Variants in HLCS observed in about 807,000 individuals in gnomAD.
HLCS encodes the protein holocarboxylase synthetase.
Under a neutral mutation model 75.0 loss-of-function variants are expected in HLCS, and 53 were observed. The observed-to-expected ratio is 0.71, with a 90% CI of 0.57 to 0.89. The LOEUF is 0.89. Ranked by LOEUF, HLCS falls within the 40% of genes least tolerant of loss-of-function variation. The probability of loss-of-function intolerance (pLI) is 0.00; values close to 1 mark genes in which losing one functional copy is unlikely to be tolerated. For synonymous variants in HLCS, 431 were observed against 428.6 expected (o/e 1.01, Z -0.07); for missense variants, 966 against 1,074.0 (o/e 0.90, Z 1.41).
At chr21:36,787,702 C>T (rs551189922) in intron 6 of HLCS, among the ~76,000 whole-genome samples, 3 of 152,234 alleles carry the variant, frequency 2.0e-5, no homozygotes, top group East Asian at 3.9e-4. Flanking sequence ...TGGTCAGAGC[C>T]GCTCGACCAT....
rs1025748806 is a variant in HLCS, at chr21:36,945,139, A to G, written c.331-6145T>C. Among the ~76,000 whole-genome samples, 9 of 152,302 alleles carry G rather than the reference A, an allele frequency of 5.9e-5. No homozygotes were observed. The East Asian group carries it at 1.3e-3, about 23-fold the overall frequency. Reference sequence around the variant, plus strand: ...TATCTCAAAAAAATAAAAATGTTGCACTATTCCTCTGCTTAAAATCCTTCC... The same window carrying G: ...TATCTCAAAAAAATAAAAATGTTGCGCTATTCCTCTGCTTAAAATCCTTCC... On this transcript the variant is annotated intron_variant, in intron 2 of 10. Transcript: ENST00000674895.
intron 6 of HLCS, among the ~76,000 whole-genome samples, chr21:36,819,080 T>G (rs1366066804): frequency 6.6e-6 from 1 of 152,100 alleles, no homozygotes; most frequent in Non-Finnish European, 1.5e-5. Flanking sequence ...AGCAGCAGCT[T>G]AGGAGGCTCC....
chr21:36,971,196 T>C (rs1355279154), upstream of HLCS, among the ~76,000 whole-genome samples: 1 of 152,182 alleles, frequency 6.6e-6, no homozygotes, highest in Admixed American at 6.5e-5. Flanking sequence ...ATTGGAAATA[T>C]GCATTTGAAC....
rs772156741 is a variant in HLCS, at chr21:36,767,260, T to C, written c.1918A>G (p.Met640Val). ...CGGGCCGCGATCACTATTAAGCCCA[T>C]TTCCTGCGGTGTCTGAAACATCAGC... ...DGLMFQTPQEMGLIVIAARQT... is the reference protein window; with the variant it reads ...DGLMFQTPQEVGLIVIAARQT... Residue 640 changes from methionine to valine, a missense_variant, in exon 7 of 11, where the codon ATG (methionine) becomes GTG (valine). Transcript: ENST00000674895. 11 of 1,614,036 alleles carry C rather than the reference T, an allele frequency of 6.8e-6. No homozygotes were observed. The Admixed American group carries it at 8.3e-5, about 12-fold the overall frequency.
At chr21:36,932,262 C>A (rs2066681128) in intron 4 of HLCS, among the ~76,000 whole-genome samples, 1 of 152,030 alleles carries the variant, frequency 6.6e-6, no homozygotes, top group Non-Finnish European at 1.5e-5. Context: ...TCTTTGTGAC[C>A]AGAAATACAC....
chr21:36,754,481 TG>T (rs1422119902), intron 10 of HLCS, 64 bp from the exon 11 acceptor site: 18 of 1,520,696 alleles, frequency 1.2e-5, no homozygotes, highest in Non-Finnish European at 1.6e-5. Context: ...GACAATGAGC[TG>T]AAGAATAATC....
intron 5 of HLCS, among the ~76,000 whole-genome samples, chr21:36,921,691 C>A (rs2066175180): frequency 6.6e-6 from 1 of 152,178 alleles, no homozygotes; most frequent in African/African-American, 2.4e-5. Flanking sequence ...GAATCTCAGC[C>A]TCGGAGGCGC....
In HLCS at chr21:36,980,026, CAAAAAAAAAAAAAAAA is replaced by C. The variant is rs71198844; in HGVS notation, c.-393+10116_-393+10131del. Among the ~76,000 whole-genome samples the C allele has an allele frequency of 8.5e-4, 47 of 55,124 alleles. 2 individuals carry two copies. Among genetic ancestry groups the C allele is most frequent in the African/African-American group, 3.4e-3 (42 of 12,228 alleles). The allele number at this position is 55,124 out of a possible 152,430, so 36.2% of individuals were successfully genotyped here. ...TGGGCGACAGAGCAAGTCCCCATCT[CAAAAAAAAAAAAAAAA>C]AAAAAAAAAAAAGGCTGGGTGTGGT... On this transcript the variant is annotated intron_variant, in intron 1 of 11. Transcript: ENST00000336648.
chr21:36,981,440 A>G (rs553838360), intron 1 of HLCS, among the ~76,000 whole-genome samples: 2 of 118,932 alleles, frequency 1.7e-5, no homozygotes, highest in Admixed American at 1.2e-4. Flanking sequence ...TCACTCTGTC[A>G]CCCAGCCTGG....
At chr21:36,947,769 G>C in intron 2 of HLCS, 1 of 985,454 alleles carries the variant, frequency 1.0e-6, no homozygotes, top group Non-Finnish European at 1.2e-6. Context: ...GGTTAAACTA[G>C]CACAGGTGGC....
rs903763142 is a variant in HLCS at position 36,752,971 on chromosome 21, T to G, written c.*1275A>C. Reference sequence around the variant, plus strand: ...GAAAACTGGACAAAAATTGGCCTTTTAAAAAGCTGAAAAGTAATGAGTATG... The same window carrying G: ...GAAAACTGGACAAAAATTGGCCTTTGAAAAAGCTGAAAAGTAATGAGTATG... On this transcript the variant is annotated 3_prime_UTR_variant, in exon 11 of 11. Coordinates refer to ENST00000674895, the MANE Select transcript of HLCS (RefSeq NM_001352514.2). The G allele has an allele frequency of 5.9e-5, 9 of 152,658 alleles. No homozygotes were observed. Among genetic ancestry groups the G allele is most frequent in the African/African-American group, 2.2e-4 (9 of 41,458 alleles). 9.5% of individuals were successfully genotyped at this position (152,658 alleles called of 1,614,324 possible).
intron 6 of HLCS, among the ~76,000 whole-genome samples, chr21:36,893,951 T>C (rs971129167): frequency 6.6e-6 from 1 of 152,202 alleles, no homozygotes; most frequent in Non-Finnish European, 1.5e-5. Context: ...TTTCCATAAG[T>C]ATAGCTCGTT....
Position 36,870,560 on chromosome 21 carries a change from T to C in HLCS, c.1892+26300A>G, listed in dbSNP as rs144418787. ...CATCCTCCAACGGTTATTGATAAAT[T>C]TGCTACCTTTGCAGATATGAGGATT... On this transcript the variant is annotated intron_variant, in intron 6 of 10. Transcript: ENST00000674895. 2.4e-3 allele frequency among the ~76,000 whole-genome samples: 366 copies of C among 152,332 alleles called. 1 individual carries two copies. In the Middle Eastern group the frequency reaches 0.034, roughly 14 times the overall value.
intron 6 of HLCS, among the ~76,000 whole-genome samples, chr21:36,828,399 GAA>G (rs1196784169): frequency 3.3e-5 from 5 of 151,962 alleles, no homozygotes; most frequent in African/African-American, 9.7e-5. Context: ...ATGAATGAAT[GAA>G]TGAGTGAATA....
intron 5 of HLCS, among the ~76,000 whole-genome samples, chr21:36,915,086 T>A (rs2065878032): frequency 6.6e-6 from 1 of 152,152 alleles, no homozygotes; most frequent in African/African-American, 2.4e-5. Context: ...CGCCCCACCA[T>A]CCTCAGCTAT....
Position 36,756,767 on chromosome 21 carries a change from C to A in HLCS, c.2237-12G>T. On this transcript the variant is annotated splice_polypyrimidine_tract_variant and intron_variant, in intron 9 of 10. Coordinates refer to ENST00000674895, the MANE Select transcript of HLCS (RefSeq NM_001352514.2). ...ATTAAATCCACAGCCTGGACAAAAA[C>A]AAACAATTGAGCAGCTCAGCCTGTT... The A allele has an allele frequency of 6.2e-7, 1 of 1,614,024 alleles. No individual in the cohort carries two copies. The highest frequency in any genetic ancestry group is 8.5e-7 in the Non-Finnish European group (1 of 1,179,996).
intron 4 of HLCS, among the ~76,000 whole-genome samples, chr21:36,932,839 T>C (rs570650851): frequency 1.3e-5 from 2 of 152,344 alleles, no homozygotes; most frequent in East Asian, 3.9e-4. Context: ...GAGGCTTAGC[T>C]GGGTGTGGTG....
intron 6 of HLCS, among the ~76,000 whole-genome samples, chr21:36,817,224 T>G: frequency 6.6e-6 from 1 of 152,200 alleles, no homozygotes; most frequent in East Asian, 1.9e-4. Flanking sequence ...AACATCGGTA[T>G]TTTTTCTTTT....
At chr21:36,950,637 AT>A (rs11345329) in intron 2 of HLCS, among the ~76,000 whole-genome samples, 84,460 of 149,790 alleles carry the variant, frequency 0.56, 23,902 homozygotes, top group East Asian at 0.64. Flanking sequence ...GCCTGGCTAA[AT>A]TTTTTTTTTT....
Sources: gnomAD v4.1 joint callset for allele counts (sites outside exome capture counted in the v4.1 genomes callset) on GRCh38, gnomAD v4.1.1 for gene constraint, MANE v1.5 for transcripts, NCBI Gene and HGNC (gene_info 2026-07-23, HGNC 2026-07-21) for gene names.